The following DCDC1 variants were observed in gnomAD, a reference collection of about 807,000 sequenced individuals.
DCDC1 encodes doublecortin domain-containing protein 1.
A neutral mutation model predicts 178.3 loss-of-function variants in DCDC1; 200 were observed. The ratio of observed to expected loss-of-function variants is 1.12; its 90% CI spans 1.00 to 1.26. The LOEUF is 1.26. Among genes scored for constraint, DCDC1 ranks in the 50% most tolerant of loss-of-function variants. DCDC1 has a pLI of 0.00. For missense variants in DCDC1, 1,983 were observed against 1,749.2 expected, an observed-to-expected ratio of 1.13 and a Z score of -2.38; for synonymous variants, 690 against 604.8, an observed-to-expected ratio of 1.14 and a Z score of -2.07.
At chr11:30,924,003 A>G (rs1946434633) in intron 23 of DCDC1, among the ~76,000 whole-genome samples, 1 of 152,126 alleles carries the variant, frequency 6.6e-6, no homozygotes, top group Non-Finnish European at 1.5e-5. Flanking sequence ...TTCCATCTTC[A>G]TGTTACTCTT....
chr11:31,082,586 TATAG>T (rs1469673563), intron 17 of DCDC1, among the ~76,000 whole-genome samples: 10 of 113,178 alleles, frequency 8.8e-5, no homozygotes, highest in African/African-American at 2.9e-4. Context: ...ACAGATATGA[TATAG>T]ATATAGATAT....
At chr11:31,327,922 G>T (rs1041544718) in intron 3 of DCDC1, among the ~76,000 whole-genome samples, 195 bp downstream of exon 3, 7 of 151,920 alleles carry the variant, frequency 4.6e-5, no homozygotes, top group Non-Finnish European at 8.8e-5. Flanking sequence ...TAGAGACAGG[G>T]TTTCACCATG....
At chr11:31,028,424 C>T (rs974335772) in intron 20 of DCDC1, among the ~76,000 whole-genome samples, 3 of 151,886 alleles carry the variant, frequency 2.0e-5, no homozygotes, top group African/African-American at 7.2e-5. Flanking sequence ...ACTATGCACT[C>T]CCTATCAAAT....
chr11:30,907,056 A>C (rs1218154327), intron 29 of DCDC1, among the ~76,000 whole-genome samples: 2 of 152,198 alleles, frequency 1.3e-5, no homozygotes, highest in Non-Finnish European at 2.9e-5. Flanking sequence ...AAAAGAAGCC[A>C]TCATCATGTC....
chr11:31,090,332 T>C lies in DCDC1; in HGVS notation c.2237+1061A>G, dbSNP rs141716737. ...ACTTTAACTGACTGACAGTGTAGTG[T>C]TGTGGCTAAGTGTCTACTTTCAGGT... On this transcript the variant is annotated intron_variant, in intron 17 of 38. Transcript: ENST00000684477. 8.6e-4 allele frequency among the ~76,000 whole-genome samples: 131 copies of C among 152,252 alleles called. 1 individual carries two copies. Among genetic ancestry groups the C allele is most frequent in the Admixed American group, 1.4e-3 (21 of 15,294 alleles).
chr11:31,092,616 C>T (rs1425736669), intron 16 of DCDC1, among the ~76,000 whole-genome samples: 1 of 152,200 alleles, frequency 6.6e-6, no homozygotes, highest in Non-Finnish European at 1.5e-5. Flanking sequence ...CAAAACTATA[C>T]TCTTTTGGTA....
At chr11:30,931,182 A>G (rs915934298) in intron 22 of DCDC1, among the ~76,000 whole-genome samples, 2 of 152,124 alleles carry the variant, frequency 1.3e-5, no homozygotes, top group Non-Finnish European at 2.9e-5. Flanking sequence ...AAAAGACAGC[A>G]GGTGATTTTT....
chr11:31,242,661 C>A (rs1230928471), intron 8 of DCDC1, among the ~76,000 whole-genome samples: 7 of 151,600 alleles, frequency 4.6e-5, no homozygotes, highest in Non-Finnish European at 1.0e-4. Flanking sequence ...TAGGTCATGC[C>A]GTTAGTTATG....
rs1035897814 is a variant in DCDC1 at position 31,306,223 on chromosome 11, A to G, written c.591+9T>C. ...AATAAAGCACAGAAAACTTTGGAAC[A>G]CTAGTTACCAAGGTGATGGTTGGTA... On this transcript the variant is annotated intron_variant, in intron 5 of 38. Transcript: ENST00000684477. The G allele has an allele frequency of 3.4e-6, 5 of 1,491,852 alleles. No homozygotes were observed. Among genetic ancestry groups the G allele is most frequent in the Non-Finnish European group, 4.5e-6 (5 of 1,119,754 alleles). The allele number at this position is 1,491,852 out of a possible 1,614,324, so 92.4% of individuals were successfully genotyped here.
At position 31,047,655 on chromosome 11, in the gene DCDC1, G is replaced by A. The variant is rs568155419; in HGVS notation, c.2591+16814C>T. 1.8e-4 allele frequency among the ~76,000 whole-genome samples: 28 copies of A among 152,156 alleles called. 1 individual carries two copies. The highest frequency in any genetic ancestry group is 3.4e-3 in the Middle Eastern group (1 of 292). Reference sequence around the variant, plus strand: ...GAGGCTAAAAACACATTTTTATAATGTGACTATAGTTTGTCACTACTAAGT... The same window carrying A: ...GAGGCTAAAAACACATTTTTATAATATGACTATAGTTTGTCACTACTAAGT... On this transcript the variant is annotated intron_variant, in intron 20 of 38. Coordinates refer to ENST00000684477, the MANE Select transcript of DCDC1 (RefSeq NM_001387274.1).
intron 18 of DCDC1, among the ~76,000 whole-genome samples, chr11:31,075,756 C>T (rs1307525438): frequency 6.6e-6 from 1 of 152,232 alleles, no homozygotes; most frequent in African/African-American, 2.4e-5. Flanking sequence ...GCTTATGCTG[C>T]TGCTGAGTTC....
At chr11:31,021,114 T>C (rs1260715853) in intron 20 of DCDC1, among the ~76,000 whole-genome samples, 2 of 152,234 alleles carry the variant, frequency 1.3e-5, no homozygotes, top group Non-Finnish European at 2.9e-5. Flanking sequence ...CAACAGGCAC[T>C]TTTACATGTT....
chr11:31,065,086 T>C lies in DCDC1; in HGVS notation c.2366A>G (p.Glu789Gly), dbSNP rs1185847074. The C allele has an allele frequency of 1.3e-6, 1 of 765,558 alleles. No individual in the cohort carries two copies. The highest frequency in any genetic ancestry group is 2.4e-5 in the East Asian group (1 of 41,220). The allele number at this position is 765,558 out of a possible 1,614,324, so 47.4% of individuals were successfully genotyped here. Residue 789 changes from glutamate (E) to glycine (G), a missense_variant, in exon 19 of 39, where the codon GAG (glutamate) becomes GGG (glycine). Glu to Gly is a moderately conservative substitution (Grantham distance 98). Transcript: ENST00000684477. ...LNAQVDVTQT[E>G]YHIHHGAWTT... is the part of the protein sequence containing the mutation. ...CCAGGCACCATGGTGAATGTGATAC[T>C]CTGTCTGGGTCACATCTACTTGTGC...
chr11:31,366,971 T>A (rs921439251), intron 1 of DCDC1, among the ~76,000 whole-genome samples: 3 of 152,180 alleles, frequency 2.0e-5, no homozygotes, highest in Non-Finnish European at 2.9e-5. Flanking sequence ...GGTCTGGGCA[T>A]CCTTTCTTGA....
intron 9 of DCDC1, among the ~76,000 whole-genome samples, chr11:31,194,015 G>A (rs752085741): frequency 3.9e-5 from 6 of 151,946 alleles, no homozygotes; most frequent in Non-Finnish European, 7.4e-5. Context: ...TAATATTAAC[G>A]GGAAAATCTA....
At chr11:30,951,519 T>C (rs1201355971) in intron 21 of DCDC1, among the ~76,000 whole-genome samples, 1 of 151,850 alleles carries the variant, frequency 6.6e-6, no homozygotes, top group Non-Finnish European at 1.5e-5. Flanking sequence ...AGATGAAAAA[T>C]TGGGGATAAC....
chr11:30,925,239 T>G lies in DCDC1; in HGVS notation c.2997+70A>C, dbSNP rs893735015. Reference sequence around the variant, plus strand: ...AATGGTAAGCATTTGAAGACTTATATTTAAGGGGATTCTTTCTTGGATGGG... The same window carrying G: ...AATGGTAAGCATTTGAAGACTTATAGTTAAGGGGATTCTTTCTTGGATGGG... On this transcript the variant is annotated intron_variant, in intron 23 of 38. Coordinates refer to ENST00000684477, the MANE Select transcript of DCDC1 (RefSeq NM_001387274.1). 2.8e-5 allele frequency: 37 copies of G among 1,331,584 alleles called. No homozygotes were observed. In the African/African-American group the frequency reaches 5.3e-4, roughly 19 times the overall value. 82.5% of individuals were successfully genotyped at this position (1,331,584 alleles called of 1,614,324 possible).
intron 20 of DCDC1, among the ~76,000 whole-genome samples, chr11:30,974,228 A>G (rs1949978639): frequency 1.3e-5 from 2 of 151,982 alleles, no homozygotes; most frequent in Non-Finnish European, 2.9e-5. Context: ...CGGATACAGT[A>G]AAAGCAGTGC....
chr11:30,978,826 ACC>A (rs3219578), intron 20 of DCDC1, among the ~76,000 whole-genome samples: 1,339 of 122,468 alleles, frequency 0.011, 35 homozygotes, highest in African/African-American at 0.038. Flanking sequence ...ACACACACAC[ACC>A]CCCTTCTCAG....
Sources: allele counts gnomAD v4.1 joint callset (sites outside exome capture counted in the v4.1 genomes callset), GRCh38; gene constraint gnomAD v4.1.1; transcripts MANE v1.5; gene names NCBI Gene and HGNC (gene_info 2026-07-23, HGNC 2026-07-21).